SLC24A2: variants seen among roughly 807,000 people sequenced by gnomAD.
The protein encoded by SLC24A2 is sodium/potassium/calcium exchanger 2.
Under a neutral mutation model 62.0 loss-of-function variants are expected in SLC24A2, and 36 were observed. The observed-to-expected ratio is 0.58, with a 90% CI of 0.44 to 0.77. SLC24A2 has a LOEUF of 0.77. SLC24A2 is among the 30% of genes least tolerant of loss of function. The pLI is 0.00. For missense variants in SLC24A2, 846 were observed against 817.9 expected, an observed-to-expected ratio of 1.03 and a Z score of -0.42; for synonymous variants, 358 against 294.0, an observed-to-expected ratio of 1.22 and a Z score of -2.23.
At chr9:20,013,419 G>C in the SLC24A2 span, among the ~76,000 whole-genome samples, 5 of 152,084 alleles carry the variant, frequency 3.3e-5, no homozygotes, top group African/African-American at 9.7e-5. Flanking sequence ...ACTTAAGATA[G>C]ATTAAAAACT....
chr9:20,052,870 G>A, the SLC24A2 span, among the ~76,000 whole-genome samples: 1 of 152,154 alleles, frequency 6.6e-6, no homozygotes, highest in African/African-American at 2.4e-5. Flanking sequence ...ATCAAAAACA[G>A]CTTAAAATAA....
At chr9:20,020,606 G>C in the SLC24A2 span, among the ~76,000 whole-genome samples, 2 of 152,158 alleles carry the variant, frequency 1.3e-5, no homozygotes, top group Non-Finnish European at 2.9e-5. Context: ...AGCATTTGGA[G>C]AAATACCTAT....
intron 7 of SLC24A2, among the ~76,000 whole-genome samples, chr9:19,557,401 A>AGCCGAAG (rs1351727743): frequency 2.6e-5 from 4 of 152,184 alleles, no homozygotes; most frequent in African/African-American, 9.7e-5. Flanking sequence ...GGGAAGAATG[A>AGCCGAAG]GCCGAAGGCG....
intron 7 of SLC24A2, among the ~76,000 whole-genome samples, chr9:19,554,447 G>C (rs1834985478): frequency 6.6e-6 from 1 of 152,190 alleles, no homozygotes; most frequent in Non-Finnish European, 1.5e-5. Context: ...TTTTATATCA[G>C]GGACTTGAGC....
the SLC24A2 span, among the ~76,000 whole-genome samples, chr9:20,148,603 C>T: frequency 1.3e-5 from 2 of 152,098 alleles, no homozygotes; most frequent in African/African-American, 2.4e-5. Context: ...TGGGGATTAG[C>T]GAATGTCATT....
At chr9:19,994,302 CA>C in the SLC24A2 span, among the ~76,000 whole-genome samples, 1 of 151,698 alleles carries the variant, frequency 6.6e-6, no homozygotes, top group African/African-American at 2.4e-5. Flanking sequence ...AAAAACAAAA[CA>C]AAAAAAACAA....
chr9:20,143,831 C>G, the SLC24A2 span, among the ~76,000 whole-genome samples: 1 of 152,192 alleles, frequency 6.6e-6, no homozygotes, highest in Non-Finnish European at 1.5e-5. Context: ...CATCCATCAT[C>G]AAAATGTCAA....
chr9:19,678,417 C>T (rs1819619740), intron 2 of SLC24A2, among the ~76,000 whole-genome samples: 1 of 152,184 alleles, frequency 6.6e-6, no homozygotes, highest in Non-Finnish European at 1.5e-5. Context: ...ACCTCCTTAC[C>T]AACCTGGGCA....
At chr9:19,799,356 T>C in the SLC24A2 span, among the ~76,000 whole-genome samples, 2 of 152,226 alleles carry the variant, frequency 1.3e-5, no homozygotes, top group African/African-American at 4.8e-5. Flanking sequence ...TTCTGTATAT[T>C]ATTTATCTGC....
At chr9:19,855,361 G>C in the SLC24A2 span, among the ~76,000 whole-genome samples, 1 of 152,248 alleles carries the variant, frequency 6.6e-6, no homozygotes, top group East Asian at 1.9e-4. Flanking sequence ...TTGCAGACTT[G>C]TTAATGTAGT....
chr9:19,824,438 A>G, the SLC24A2 span, among the ~76,000 whole-genome samples: 1 of 152,258 alleles, frequency 6.6e-6, no homozygotes, highest in African/African-American at 2.4e-5. Flanking sequence ...ATCACTGGTT[A>G]TTAGAGAAAT....
chr9:20,174,540 G>A, the SLC24A2 span, among the ~76,000 whole-genome samples: 1 of 151,856 alleles, frequency 6.6e-6, no homozygotes, highest in Non-Finnish European at 1.5e-5. Context: ...AGTGGGCTAA[G>A]GACATGAATA....
chr9:19,887,993 G>C, the SLC24A2 span, among the ~76,000 whole-genome samples: 2 of 152,170 alleles, frequency 1.3e-5, no homozygotes, highest in Non-Finnish European at 2.9e-5. Context: ...GGAAAGTGGA[G>C]TGAGGGACAA....
chr9:20,149,235 A>T, the SLC24A2 span, among the ~76,000 whole-genome samples: 1 of 151,960 alleles, frequency 6.6e-6, no homozygotes, highest in African/African-American at 2.4e-5. Context: ...TTCCTCTCTA[A>T]TCTCAGTCCA....
chr9:19,921,719 G>C, the SLC24A2 span, among the ~76,000 whole-genome samples: 1 of 151,954 alleles, frequency 6.6e-6, no homozygotes, highest in African/African-American at 2.4e-5. Flanking sequence ...TCTTATATTT[G>C]CCTAGAGAGA....
the SLC24A2 span, among the ~76,000 whole-genome samples, chr9:20,169,744 G>A: frequency 8.0e-4 from 122 of 151,870 alleles, no homozygotes; most frequent in African/African-American, 2.8e-3. Flanking sequence ...CCAGAAAACC[G>A]ACTCTGGTAA....
the SLC24A2 span, among the ~76,000 whole-genome samples, chr9:20,123,562 G>A: frequency 6.6e-6 from 1 of 152,082 alleles, no homozygotes; most frequent in African/African-American, 2.4e-5. Context: ...ATATGAATGA[G>A]ACTTTGAAAA....
intron 9 of SLC24A2, among the ~76,000 whole-genome samples, chr9:19,524,704 G>A (rs2132648831): frequency 6.6e-6 from 1 of 152,272 alleles, no homozygotes; most frequent in South Asian, 2.1e-4. Context: ...TTCCATCAAT[G>A]AAAAGTAAGG....
chr9:19,698,090 AGTGCTTCTAAG>A (rs1162269466), intron 2 of SLC24A2, among the ~76,000 whole-genome samples: 1 of 152,158 alleles, frequency 6.6e-6, no homozygotes, highest in Non-Finnish European at 1.5e-5. Flanking sequence ...TATTCTAGCA[AGTGCTTCTAAG>A]GTGGAGATGC....
Sources: allele counts gnomAD v4.1 joint callset (sites outside exome capture counted in the v4.1 genomes callset), GRCh38; gene constraint gnomAD v4.1.1; transcripts MANE v1.5; gene names NCBI Gene and HGNC (gene_info 2026-07-23, HGNC 2026-07-21).